Variants in LTBP1 observed in about 807,000 individuals in gnomAD.
The protein encoded by LTBP1 is latent-transforming growth factor beta-binding protein 1.
LTBP1 carries 129 observed loss-of-function variants against 207.6 expected under a neutral mutation model. The observed-to-expected ratio is 0.62, with a 90% CI of 0.54 to 0.72. The LOEUF is 0.72. Among genes scored for constraint, LTBP1 ranks in the 30% least tolerant of loss-of-function variants. LTBP1 has a pLI of 0.00. For missense variants in LTBP1, 2,281 were observed against 2,217.2 expected (o/e 1.03, Z -0.58); for synonymous variants, 963 against 833.7 (o/e 1.16, Z -2.67).
chr2:33,191,080 T>C (rs2087815264), intron 7 of LTBP1, among the ~76,000 whole-genome samples: 1 of 152,174 alleles, frequency 6.6e-6, no homozygotes, highest in Non-Finnish European at 1.5e-5. Context: ...CCAGCTTAGG[T>C]TGGTCATGGA....
chr2:33,354,938 C>T (rs1362329121), intron 26 of LTBP1, among the ~76,000 whole-genome samples: 3 of 152,098 alleles, frequency 2.0e-5, no homozygotes, highest in Non-Finnish European at 2.9e-5. Flanking sequence ...GACGAGGTCT[C>T]ACTATGTTGC....
intron 5 of LTBP1, among the ~76,000 whole-genome samples, chr2:33,177,904 C>T (rs6543698): frequency 0.51 from 76,813 of 151,948 alleles, 19,620 homozygotes; most frequent in Non-Finnish European, 0.52. Flanking sequence ...AATTTGTGGG[C>T]ATAGATAATG....
chr2:32,987,566 A>T (rs539887122), intron 2 of LTBP1, among the ~76,000 whole-genome samples: 1 of 152,302 alleles, frequency 6.6e-6, no homozygotes, highest in South Asian at 2.1e-4. Context: ...TTGGGCAATT[A>T]TATTACCCAA....
intron 15 of LTBP1, among the ~76,000 whole-genome samples, chr2:33,270,829 G>A (rs549283477): frequency 5.3e-5 from 8 of 152,178 alleles, no homozygotes; most frequent in African/African-American, 1.9e-4. Flanking sequence ...CATGTTCAGC[G>A]TTTGCAAGCC....
intron 2 of LTBP1, among the ~76,000 whole-genome samples, chr2:32,992,905 G>T (rs894513271): frequency 6.6e-6 from 1 of 152,140 alleles, no homozygotes; most frequent in African/African-American, 2.4e-5. Flanking sequence ...GCTGGCATCA[G>T]TGGGGAAGCT....
intron 31 of LTBP1, among the ~76,000 whole-genome samples, chr2:33,385,747 C>T (rs1043287707): frequency 1.3e-5 from 2 of 152,214 alleles, no homozygotes; most frequent in African/African-American, 4.8e-5. Flanking sequence ...GGAAGGGCGG[C>T]GTGGATGGAT....
chr2:33,105,437 T>G (rs2080007237), intron 3 of LTBP1, among the ~76,000 whole-genome samples: 1 of 150,132 alleles, frequency 6.7e-6, no homozygotes, highest in South Asian at 2.1e-4. Flanking sequence ...TATGTGATCT[T>G]CTGCTTTTTT....
chr2:33,347,445 T>G lies in LTBP1; in HGVS notation c.3935T>G (p.Val1312Gly). The G allele has an allele frequency of 6.2e-7, 1 of 1,614,186 alleles. No homozygotes were observed. Among genetic ancestry groups the G allele is most frequent in the Non-Finnish European group, 8.5e-7 (1 of 1,180,016 alleles). Residue 1312 changes from valine (V) to glycine (G), a missense_variant, in exon 26 of 34, where the codon GTG becomes GGG. Around this residue, in one of 3 missense-constraint regions of LTBP1, gnomAD observed 1,671 missense variants for 1,634.8 expected, o/e 1.02. Coordinates refer to ENST00000404816, the MANE Select transcript of LTBP1 (RefSeq NM_206943.4). ...AACGTGGAAGGGTCCTTCCTGTGCG[T>G]GTGTGCTGATGAAAACCAAGAGTAC... Reference protein sequence around the residue: ...CENVEGSFLCVCADENQEYSP... With the variant: ...CENVEGSFLCGCADENQEYSP...
chr2:33,239,668 G>C (rs113520739), intron 9 of LTBP1, among the ~76,000 whole-genome samples: 1 of 151,542 alleles, frequency 6.6e-6, no homozygotes, highest in Non-Finnish European at 1.5e-5. Context: ...CGAGGTGGGC[G>C]GATCACTTGA....
chr2:33,153,262 A>G (rs1252633118), intron 5 of LTBP1, among the ~76,000 whole-genome samples: 1 of 152,186 alleles, frequency 6.6e-6, no homozygotes, highest in Non-Finnish European at 1.5e-5. Context: ...TTCATCAGAA[A>G]AGTTAAGGCC....
chr2:33,150,710 C>CTTTTTTTTTTTTTTTTTTTTTTTTTTTT (rs1176008947), intron 5 of LTBP1, among the ~76,000 whole-genome samples: 5 of 69,298 alleles, frequency 7.2e-5, no homozygotes, highest in African/African-American at 1.2e-4. Flanking sequence ...TTTTCTTTTT[C>CTTTTTTTTTTTTTTTTTTTTTTTTTTTT]TTTTTTTTTT....
chr2:33,056,146 C>T (rs1454642271), intron 3 of LTBP1, among the ~76,000 whole-genome samples: 1 of 152,090 alleles, frequency 6.6e-6, no homozygotes, highest in African/African-American at 2.4e-5. Flanking sequence ...CCGTTTTTCC[C>T]CATCAGAGAG....
intron 24 of LTBP1, among the ~76,000 whole-genome samples, chr2:33,335,807 G>A (rs1268799443): frequency 6.6e-6 from 1 of 152,156 alleles, no homozygotes; most frequent in East Asian, 1.9e-4. Flanking sequence ...GAGTGTGAGG[G>A]CTGCATTTCC....
chr2:33,382,801 G>A (rs1032554959), intron 31 of LTBP1, among the ~76,000 whole-genome samples: 5 of 152,210 alleles, frequency 3.3e-5, no homozygotes, highest in Non-Finnish European at 7.3e-5. Context: ...TGTTTGCAGT[G>A]TATCCAGTTT....
At position 33,134,411 on chromosome 2, in the gene LTBP1, C is replaced by T. The variant is rs1304621655; in HGVS notation, c.1034-382C>T. The T allele has an allele frequency of 1.8e-6, 1 of 549,790 alleles. No individual in the cohort carries two copies. Among genetic ancestry groups the T allele is most frequent in the Non-Finnish European group, 3.4e-6 (1 of 291,690 alleles). The allele number at this position is 549,790 out of a possible 1,614,324, so 34.1% of individuals were successfully genotyped here. ...TCACCGCTAGGTGCACGGCCAACCC[C>T]TTTGCATTACATCTGCCTGTCAGGG... On this transcript the variant is annotated intron_variant, in intron 4 of 33. Coordinates refer to ENST00000404816, the MANE Select transcript of LTBP1 (RefSeq NM_206943.4). This position sits in a 1 kb window ranked among gnomAD's most constrained non-coding sequence, Gnocchi z 4.4.
intron 3 of LTBP1, among the ~76,000 whole-genome samples, chr2:33,091,235 C>G (rs1372907848): frequency 6.6e-6 from 1 of 152,122 alleles, no homozygotes; most frequent in Non-Finnish European, 1.5e-5. Context: ...GTCATCTCCT[C>G]CCATGGACAC....
At chr2:33,322,633 C>T (rs951756519) in intron 24 of LTBP1, among the ~76,000 whole-genome samples, 9 of 152,130 alleles carry the variant, frequency 5.9e-5, no homozygotes, top group African/African-American at 2.2e-4. Context: ...GTGCATTGCA[C>T]CTGTCTTCTC....
intron 2 of LTBP1, among the ~76,000 whole-genome samples, chr2:32,968,912 T>TACAC (rs1680397987): frequency 8.0e-6 from 1 of 125,450 alleles, no homozygotes; most frequent in Non-Finnish European, 1.7e-5. Context: ...AGTGTGTGTG[T>TACAC]GTGTATTTTT....
rs199754109 is a variant in LTBP1 at position 33,337,103 on chromosome 2, TTTCATAG to T, written c.3731-5730_3731-5724del. 3.9e-5 allele frequency among the ~76,000 whole-genome samples: 6 copies of T among 152,246 alleles called. No homozygotes were observed. The East Asian group carries it at 1.2e-3, about 29-fold the overall frequency. ...GCCTTCTTTCCATACTTGTTATTTATTTCATAGTTCACTTTACATAAATGAGAAGGTG... is the reference window on the plus strand; with the variant it reads ...GCCTTCTTTCCATACTTGTTATTTATTTCACTTTACATAAATGAGAAGGTG... On this transcript the variant is annotated intron_variant, in intron 24 of 33. Coordinates refer to ENST00000404816, the MANE Select transcript of LTBP1 (RefSeq NM_206943.4).
Sources: gnomAD v4.1 joint callset for allele counts (sites outside exome capture counted in the v4.1 genomes callset) on GRCh38, gnomAD v4.1.1 for gene constraint, gnomAD v4.1.1 regional missense constraint, Gnocchi (gnomAD v3.1) non-coding constraint, MANE v1.5 for transcripts, NCBI Gene and HGNC (gene_info 2026-07-23, HGNC 2026-07-21) for gene names.